RIN2: variants seen among roughly 807,000 people sequenced by gnomAD.
RIN2 encodes the protein Ras and Rab interactor 2, also known as RAB5 interacting protein 2.
A neutral mutation model predicts 78.0 loss-of-function variants in RIN2; 36 were observed. That is an observed-to-expected ratio of 0.46 (90% CI 0.35 to 0.61). RIN2 has a LOEUF of 0.61. Ranked by LOEUF, RIN2 falls within the 20% of genes least tolerant of loss-of-function variation. The pLI, the probability that RIN2 is intolerant of heterozygous loss-of-function variation, is 0.00. For missense variants in RIN2, 1,087 were observed against 1,159.7 expected, an observed-to-expected ratio of 0.94 and a Z score of 0.91; for synonymous variants, 466 against 466.8, an observed-to-expected ratio of 1.00 and a Z score of 0.02.
intron 2 of RIN2, among the ~76,000 whole-genome samples, chr20:19,858,125 T>TTA (rs2037222254): frequency 6.6e-6 from 1 of 151,292 alleles, no homozygotes; most frequent in African/African-American, 2.4e-5. Flanking sequence ...TGTCTTTTTT[T>TTA]AAAAAAAAAT....
chr20:19,909,713 G>A (rs984089184), intron 3 of RIN2, among the ~76,000 whole-genome samples: 10 of 152,166 alleles, frequency 6.6e-5, no homozygotes, highest in South Asian at 2.1e-4. Flanking sequence ...CAGTCTCGCC[G>A]CACAGGTCCC....
chr20:19,931,709 C>CTTTTTTTTTTTTT (rs57734791), intron 3 of RIN2, among the ~76,000 whole-genome samples: 2 of 128,130 alleles, frequency 1.6e-5, no homozygotes, highest in Admixed American at 7.8e-5. Context: ...CTCGATTTGC[C>CTTTTTTTTTTTTT]TTTTTTTTTT....
chr20:19,822,668 C>CA (rs569890167), intron 2 of RIN2, among the ~76,000 whole-genome samples: 1 of 147,862 alleles, frequency 6.8e-6, no homozygotes, highest in African/African-American at 2.6e-5. Context: ...ACACACACAC[C>CA]CACACACAAT....
Position 19,990,202 on chromosome 20 carries a change from A to T in RIN2, c.1959A>T (p.Lys653Asn). 1 of 1,611,180 alleles carries T rather than the reference A, an allele frequency of 6.2e-7. No individual in the cohort carries two copies. Among genetic ancestry groups the T allele is most frequent in the South Asian group, 1.1e-5 (1 of 90,160 alleles). The change falls in exon 10 of 13, where the codon AAA (lysine) becomes AAT (asparagine). Residue 653 changes from lysine to asparagine, a missense_variant. Lys to Asn is a moderately conservative substitution (Grantham distance 94, BLOSUM62 0). Transcript: ENST00000255006. ...APTPDFVDVE[K>N]IKVKFMTMQK... The stretch of plus-strand genomic sequence containing the variant: ...CCCCTGATTTTGTGGATGTGGAGAA[A>T]ATCAAAGTCAAGTTCATGACCATGC...
intron 1 of RIN2, among the ~76,000 whole-genome samples, chr20:19,782,727 A>T (rs1489315072): frequency 1.3e-5 from 2 of 152,172 alleles, no homozygotes; most frequent in Non-Finnish European, 2.9e-5. Context: ...CCTACTTGGC[A>T]TGAACCAAAC....
intron 3 of RIN2, 48 bp from the exon 4 acceptor site, chr20:19,935,051 C>G (rs1192931942): frequency 4.9e-6 from 7 of 1,440,666 alleles, no homozygotes; most frequent in Admixed American, 2.0e-5. Flanking sequence ...TGTGGGCATG[C>G]CACGCCTCTC....
chr20:19,876,841 G>T (rs1243918379), intron 2 of RIN2, among the ~76,000 whole-genome samples: 1 of 151,300 alleles, frequency 6.6e-6, no homozygotes, highest in Admixed American at 6.6e-5. Flanking sequence ...GCGGGGCGGA[G>T]GTTGCAGTGA....
chr20:19,844,686 CTCT>C (rs2036715775), intron 2 of RIN2, among the ~76,000 whole-genome samples: 3 of 30,104 alleles, frequency 1.0e-4, no homozygotes, highest in South Asian at 2.2e-3. Flanking sequence ...CTTCTTCTTC[CTCT>C]TCCTCTTCCT....
At chr20:19,844,651 CTTCTTCTTCTTCTTCTTCCTTCTT>C (rs2036702194) in intron 2 of RIN2, among the ~76,000 whole-genome samples, 2 of 106,522 alleles carry the variant, frequency 1.9e-5, no homozygotes, top group Non-Finnish European at 4.2e-5. Flanking sequence ...TCTTCTTCTT[CTTCTTCTTCTTCTTCTTCCTTCTT>C]CTTCTTCTTC....
rs193245751 is a variant in RIN2 at position 19,795,229 on chromosome 20, C to T, written c.-162-4393C>T. ...TAATATGTCATTATATTTCTTCTTA[C>T]GGAAAAGCACCATTTGTAAGTGGCT... On this transcript the variant is annotated intron_variant, in intron 1 of 12. Coordinates refer to ENST00000255006, the MANE Select transcript of RIN2 (RefSeq NM_018993.4). Among the ~76,000 whole-genome samples, 8 of 152,222 alleles carry T rather than the reference C, an allele frequency of 5.3e-5. 1 individual carries two copies. In the East Asian group the frequency reaches 5.8e-4, roughly 11 times the overall value.
chr20:19,913,472 C>T (rs1451055615), intron 3 of RIN2, among the ~76,000 whole-genome samples: 2 of 152,286 alleles, frequency 1.3e-5, no homozygotes, highest in South Asian at 4.1e-4. Flanking sequence ...TTTAAATGTA[C>T]AATTCTGTGG....
chr20:19,777,485 T>C (rs1196854100), intron 1 of RIN2, among the ~76,000 whole-genome samples: 2 of 152,264 alleles, frequency 1.3e-5, no homozygotes, highest in African/African-American at 4.8e-5. Context: ...ACTATAAAAC[T>C]GACCCATGGG....
At chr20:19,759,419 G>T (rs2033537576) in intron 1 of RIN2, among the ~76,000 whole-genome samples, 1 of 152,084 alleles carries the variant, frequency 6.6e-6, no homozygotes, top group Admixed American at 6.6e-5. Context: ...AGTGCAAAGG[G>T]CTTACTGGGA....
rs139971880 is a variant in RIN2 at position 19,901,471 on chromosome 20, C to T, written c.57+11813C>T. Among the ~76,000 whole-genome samples, 12 of 152,274 alleles carry T rather than the reference C, an allele frequency of 7.9e-5. No individual in the cohort carries two copies. The East Asian group carries it at 1.2e-3, about 15-fold the overall frequency. On this transcript the variant is annotated intron_variant, in intron 3 of 12. Coordinates refer to ENST00000255006, the MANE Select transcript of RIN2 (RefSeq NM_018993.4). ...AACACCCGACCTTGTCATTTACCCA[C>T]GGGTGCTAGCACAATCAGTGTGCTA...
At chr20:19,882,771 T>C (rs770233192) in intron 2 of RIN2, among the ~76,000 whole-genome samples, 1 of 152,212 alleles carries the variant, frequency 6.6e-6, no homozygotes, top group Non-Finnish European at 1.5e-5. Context: ...CAAACTGCAC[T>C]AGTCCATGTA....
At chr20:19,851,050 G>GA (rs1491160798) in intron 2 of RIN2, among the ~76,000 whole-genome samples, 73 of 55,208 alleles carry the variant, frequency 1.3e-3, no homozygotes, top group Middle Eastern at 8.2e-3. Context: ...AGGAAGGAAG[G>GA]AGAAAGAAAG....
At chr20:19,800,932 T>A (rs1365986663) in intron 2 of RIN2, among the ~76,000 whole-genome samples, 1 of 152,232 alleles carries the variant, frequency 6.6e-6, no homozygotes, top group Non-Finnish European at 1.5e-5. Flanking sequence ...AACCCAGAGC[T>A]GCCTGATTTC....
intron 1 of RIN2, among the ~76,000 whole-genome samples, chr20:19,783,278 C>T (rs1029793217): frequency 1.3e-5 from 2 of 152,230 alleles, no homozygotes; most frequent in African/African-American, 4.8e-5. Flanking sequence ...CCACAAACAT[C>T]AGCAGAGAAG....
At chr20:19,776,725 C>T (rs59223253) in intron 1 of RIN2, among the ~76,000 whole-genome samples, 1 of 149,960 alleles carries the variant, frequency 6.7e-6, no homozygotes, top group African/African-American at 2.4e-5. Context: ...GAGTGAGACC[C>T]TGTCTCAAAA....
Sources: allele counts gnomAD v4.1 joint callset (sites outside exome capture counted in the v4.1 genomes callset), GRCh38; gene constraint gnomAD v4.1.1; transcripts MANE v1.5; gene names NCBI Gene and HGNC (gene_info 2026-07-23, HGNC 2026-07-21).